CDCA7L: variants seen among roughly 807,000 people sequenced by gnomAD.
CDCA7L encodes the protein cell division cycle associated 7 like.
In CDCA7L, 44 loss-of-function variants were observed where a neutral mutation model predicts 57.4. The observed-to-expected ratio is 0.77, with a 90% CI of 0.60 to 0.98. CDCA7L has a LOEUF of 0.98. Among genes scored for constraint, CDCA7L ranks in the 50% least tolerant of loss-of-function variants. The pLI is 0.00. For synonymous variants in CDCA7L, 236 were observed against 202.8 expected (o/e 1.16, Z -1.39); for missense variants, 644 against 580.6 (o/e 1.11, Z -1.12).
At chr7:21,925,976 C>G (rs999416256) in intron 1 of CDCA7L, among the ~76,000 whole-genome samples, 1 of 152,136 alleles carries the variant, frequency 6.6e-6, no homozygotes, top group Non-Finnish European at 1.5e-5. Flanking sequence ...CAGAGGCACA[C>G]ACCTGTAGTC....
In CDCA7L at chr7:21,905,376, C is replaced by T. The variant is rs370417555; in HGVS notation, c.1047+130G>A. The T allele has an allele frequency of 1.9e-4, 201 of 1,036,018 alleles. 1 individual carries two copies. The African/African-American group carries it at 2.6e-3, about 13-fold the overall frequency. The allele number at this position is 1,036,018 out of a possible 1,614,324, so 64.2% of individuals were successfully genotyped here. A position where few individuals can be genotyped will look rare whatever the true frequency, so the allele number is the denominator to read the frequency against. ...TCCCAGGTACAGCTGACTTTTGACCCTCCAATTCAGAGCCTGGCTCTGAGC... is the reference window on the plus strand; with the variant it reads ...TCCCAGGTACAGCTGACTTTTGACCTTCCAATTCAGAGCCTGGCTCTGAGC... On this transcript the variant is annotated intron_variant, in intron 7 of 9. Coordinates refer to ENST00000406877, the MANE Select transcript of CDCA7L (RefSeq NM_018719.5).
At chr7:21,909,071 C>T (rs1038300271) in intron 3 of CDCA7L, among the ~76,000 whole-genome samples, 4 of 152,188 alleles carry the variant, frequency 2.6e-5, no homozygotes, top group Non-Finnish European at 4.4e-5. Context: ...ACCCTCAGAG[C>T]CATGAGGTGA....
At position 21,945,774 on chromosome 7, in the gene CDCA7L, C is replaced by T; in HGVS notation, c.24+7G>A. The T allele has an allele frequency of 6.3e-7, 1 of 1,599,452 alleles. No individual in the cohort carries two copies. Among genetic ancestry groups the T allele is most frequent in the South Asian group, 1.1e-5 (1 of 88,938 alleles). On this transcript the variant is annotated splice_region_variant and intron_variant, in intron 1 of 9. Transcript: ENST00000406877. ...GTCCGGACGGCGGCGGGCGGCCGGA[C>T]CCTCACCTGGTAGCGAGTCGCCAAC...
chr7:21,910,716 CTG>C (rs1301485643), intron 3 of CDCA7L, among the ~76,000 whole-genome samples: 1 of 152,214 alleles, frequency 6.6e-6, no homozygotes, highest in African/African-American at 2.4e-5. Context: ...ACTAGCCTAA[CTG>C]TGCAGGATAA....
chr7:21,925,444 GA>G (rs1185388950), intron 1 of CDCA7L, among the ~76,000 whole-genome samples: 2 of 152,324 alleles, frequency 1.3e-5, no homozygotes, highest in Non-Finnish European at 2.9e-5. Context: ...CAAGGCTTCA[GA>G]AACTAAGTAC....
chr7:21,902,071 T>G lies in CDCA7L; in HGVS notation c.*251A>C. 1 of 501,758 alleles carries G rather than the reference T, an allele frequency of 2.0e-6. No individual in the cohort carries two copies. The highest frequency in any genetic ancestry group is 3.6e-6 in the Non-Finnish European group (1 of 279,440). The allele number at this position is 501,758 out of a possible 1,614,324, so 31.1% of individuals were successfully genotyped here. ...CATTTAAACTGTGCTTTTTAATAACTGGCAGATATTTTTAACAAAGTTCAG... is the reference window on the plus strand; with the variant it reads ...CATTTAAACTGTGCTTTTTAATAACGGGCAGATATTTTTAACAAAGTTCAG... On this transcript the variant is annotated 3_prime_UTR_variant, in exon 10 of 10. Transcript: ENST00000406877.
intron 1 of CDCA7L, chr7:21,944,560 T>G (rs1039019342): frequency 6.6e-5 from 10 of 151,988 alleles, no homozygotes; most frequent in Non-Finnish European, 1.2e-4. Flanking sequence ...CCCTTGCTTT[T>G]AATAGTTTAT....
At chr7:21,903,183 T>C (rs1784996660) in intron 8 of CDCA7L, 69 bp from the exon 9 acceptor site, 1 of 1,503,698 alleles carries the variant, frequency 6.7e-7, no homozygotes, top group East Asian at 2.4e-5. Flanking sequence ...GGGATTCGGA[T>C]CCAGAATGGC....
chr7:21,932,845 T>C (rs576573933), intron 1 of CDCA7L, among the ~76,000 whole-genome samples: 14 of 151,972 alleles, frequency 9.2e-5, no homozygotes, highest in Non-Finnish European at 1.9e-4. Flanking sequence ...CAAAAGAAAC[T>C]ATCATCAGAG....
At chr7:21,916,086 T>C (rs1785472904) in intron 2 of CDCA7L, among the ~76,000 whole-genome samples, 1 of 152,154 alleles carries the variant, frequency 6.6e-6, no homozygotes, top group Non-Finnish European at 1.5e-5. Context: ...ACTTGCCCAG[T>C]GGAAGCAAAG....
At chr7:21,931,069 G>C (rs1201918585) in intron 1 of CDCA7L, among the ~76,000 whole-genome samples, 1 of 152,156 alleles carries the variant, frequency 6.6e-6, no homozygotes, top group Non-Finnish European at 1.5e-5. Flanking sequence ...ACCCTCCCAA[G>C]TCTAAACTAG....
chr7:21,900,945 CTT>C lies in CDCA7L; in HGVS notation c.*1375_*1376del. The C allele has an allele frequency of 9.2e-7, 1 of 1,086,414 alleles. No individual in the cohort carries two copies. Among genetic ancestry groups the C allele is most frequent in the Non-Finnish European group, 1.3e-6 (1 of 780,618 alleles). The allele number at this position is 1,086,414 out of a possible 1,614,324, so 67.3% of individuals were successfully genotyped here. On this transcript the variant is annotated 3_prime_UTR_variant, in exon 10 of 10. Transcript: ENST00000406877. ...AATGTTTATTGCATCAAACAACTTA[CTT>C]GATCATTATCATTAGTAGCAAGCTG...
Position 21,916,971 on chromosome 7 carries a change from G to A in CDCA7L, c.25-77C>T, listed in dbSNP as rs976147946. ...CTTAGGGACATTTTCTGGAGGGGAG[G>A]AGAGATCTCATCACTTCATCCAACT... On this transcript the variant is annotated intron_variant, in intron 1 of 9. Transcript: ENST00000406877. 1.9e-6 allele frequency: 3 copies of A among 1,541,058 alleles called. No homozygotes were observed. The African/African-American group carries it at 4.1e-5, about 21-fold the overall frequency.
intron 1 of CDCA7L, among the ~76,000 whole-genome samples, chr7:21,929,924 A>G (rs2128067066): frequency 6.6e-6 from 1 of 152,302 alleles, no homozygotes; most frequent in South Asian, 2.1e-4. Context: ...CAGCAAATTA[A>G]TAAGGATATT....
At chr7:21,916,489 C>G (rs1785483385) in intron 2 of CDCA7L, among the ~76,000 whole-genome samples, 1 of 136,666 alleles carries the variant, frequency 7.3e-6, no homozygotes, top group Non-Finnish European at 1.5e-5. Context: ...AGAAAATGCA[C>G]TTGATCATGT....
intron 1 of CDCA7L, among the ~76,000 whole-genome samples, 158 bp from the exon 2 acceptor site, chr7:21,917,052 A>T (rs1188136300): frequency 6.6e-6 from 1 of 152,142 alleles, no homozygotes; most frequent in Non-Finnish European, 1.5e-5. Flanking sequence ...TTCAGCTAAG[A>T]ACTCATGGCA....
At chr7:21,929,831 A>G (rs1785950278) in intron 1 of CDCA7L, among the ~76,000 whole-genome samples, 1 of 152,138 alleles carries the variant, frequency 6.6e-6, no homozygotes, top group Non-Finnish European at 1.5e-5. Context: ...GCAAGTTCTT[A>G]GAGACCTACA....
chr7:21,909,430 G>A (rs531238267), intron 3 of CDCA7L, among the ~76,000 whole-genome samples: 14 of 152,106 alleles, frequency 9.2e-5, no homozygotes, highest in East Asian at 5.8e-4. Flanking sequence ...GCACCGATAC[G>A]GACCCAGGAT....
Position 21,902,833 on chromosome 7 carries a change from G to GCAAA in CDCA7L, c.1334+141_1334+144dup, listed in dbSNP as rs1408623308. The GCAAA allele has an allele frequency of 4.3e-6, 3 of 699,922 alleles. No homozygotes were observed. The Admixed American group carries it at 8.3e-5, about 19-fold the overall frequency. The allele number at this position is 699,922 out of a possible 1,614,324, so 43.4% of individuals were successfully genotyped here. A position where few individuals can be genotyped will look rare whatever the true frequency, so the allele number is the denominator to read the frequency against. Reference sequence around the variant, plus strand: ...AATATCAGGCCTGAGCTTTTCCAATGCAAACAGATACAGAATGGATGGTAC... The same window carrying GCAAA: ...AATATCAGGCCTGAGCTTTTCCAATGCAAACAAACAGATACAGAATGGATGGTAC... On this transcript the variant is annotated intron_variant, in intron 9 of 9. Transcript: ENST00000406877.
Sources: gnomAD v4.1 joint callset for allele counts (sites outside exome capture counted in the v4.1 genomes callset) on GRCh38, gnomAD v4.1.1 for gene constraint, MANE v1.5 for transcripts, NCBI Gene and HGNC (gene_info 2026-07-23, HGNC 2026-07-21) for gene names.